The following VOPP1 variants were observed in gnomAD, a reference collection of about 807,000 sequenced individuals.
VOPP1 encodes WW domain binding protein VOPP1.
Under a neutral mutation model 23.5 loss-of-function variants are expected in VOPP1, and 8 were observed. The ratio of observed to expected loss-of-function variants is 0.34; its 90% CI spans 0.20 to 0.61. The LOEUF (loss-of-function observed/expected upper bound fraction) is 0.61. VOPP1 is among the 20% of genes least tolerant of loss of function. VOPP1 has a pLI of 0.78. For missense variants in VOPP1, 174 were observed against 238.1 expected, an observed-to-expected ratio of 0.73 and a Z score of 1.77; for synonymous variants, 83 against 97.3, an observed-to-expected ratio of 0.85 and a Z score of 0.86.
intron 4 of VOPP1, among the ~76,000 whole-genome samples, chr7:55,438,897 G>A (rs1790896476): frequency 6.6e-6 from 1 of 152,312 alleles, no homozygotes; most frequent in Non-Finnish European, 1.5e-5. Context: ...GCTGGAGCCA[G>A]CAGGACTTCC....
chr7:55,444,865 C>T (rs1467132296), intron 4 of VOPP1, among the ~76,000 whole-genome samples: 2 of 152,088 alleles, frequency 1.3e-5, no homozygotes, highest in Non-Finnish European at 2.9e-5. Flanking sequence ...TTTATTTTTG[C>T]CTGGAAGCCA....
At position 55,536,884 on chromosome 7, in the gene VOPP1, C is replaced by T. The variant is rs559431221; in HGVS notation, c.55-15754G>A. On this transcript the variant is annotated intron_variant, in intron 1 of 4. Coordinates refer to ENST00000285279, the MANE Select transcript of VOPP1 (RefSeq NM_030796.5). ...CTCAACAGGGCATTCAATGTAAGTG[C>T]CCACAAATGCAAGAGACAGTGAACA... Among the ~76,000 whole-genome samples the T allele has an allele frequency of 2.0e-5, 3 of 152,218 alleles. No homozygotes were observed. The South Asian group carries it at 6.2e-4, about 32-fold the overall frequency.
Position 55,482,482 on chromosome 7 carries a change from ATTTTTTT to A in VOPP1, c.329-9444_329-9438del, listed in dbSNP as rs71031859. Among the ~76,000 whole-genome samples, 1,319 of 132,806 alleles carry A rather than the reference ATTTTTTT, an allele frequency of 9.9e-3. 17 individuals carry two copies. The highest frequency in any genetic ancestry group is 0.032 in the African/African-American group (1,086 of 34,000). 87.1% of individuals were successfully genotyped at this position (132,806 alleles called of 152,430 possible). A position where few individuals can be genotyped will look rare whatever the true frequency, so the allele number is the denominator to read the frequency against. On this transcript the variant is annotated intron_variant, in intron 4 of 4. Coordinates refer to ENST00000285279, the MANE Select transcript of VOPP1 (RefSeq NM_030796.5). Reference sequence around the variant, plus strand: ...AGGCACCCACCACCACACCTGGCTAATTTTTTTTTTTTTTTTTTTTTTGTATTTTTAG... The same window carrying A: ...AGGCACCCACCACCACACCTGGCTAATTTTTTTTTTTTTTTGTATTTTTAG...
At chr7:55,497,726 T>C in intron 2 of VOPP1, 36 bp from the exon 3 acceptor site, 1 of 1,598,062 alleles carries the variant, frequency 6.3e-7, no homozygotes, top group Non-Finnish European at 8.6e-7. Context: ...AGCACTGAAT[T>C]GGAAGCAGCC....
intron 3 of VOPP1, among the ~76,000 whole-genome samples, chr7:55,494,467 G>T (rs1793805025): frequency 6.6e-6 from 1 of 152,066 alleles, no homozygotes; most frequent in African/African-American, 2.4e-5. Flanking sequence ...GCCAACAGTA[G>T]TAAGAACATT....
At chr7:55,555,418 T>C (rs993218470) in intron 1 of VOPP1, among the ~76,000 whole-genome samples, 1 of 152,212 alleles carries the variant, frequency 6.6e-6, no homozygotes, top group Admixed American at 6.5e-5. Context: ...CAGATGACCT[T>C]TGCTAAATCC....
At chr7:55,520,250 T>C (rs1056628153) in intron 2 of VOPP1, among the ~76,000 whole-genome samples, 1 of 152,240 alleles carries the variant, frequency 6.6e-6, no homozygotes, top group African/African-American at 2.4e-5. Context: ...ATATATAGTG[T>C]TTCTGCTAGA....
intron 1 of VOPP1, 122 bp from the exon 2 acceptor site, chr7:55,521,252 T>A: frequency 2.9e-6 from 3 of 1,018,248 alleles, no homozygotes. Flanking sequence ...AGCTGGGATA[T>A]CGGGGCAGAC....
At chr7:55,491,765 C>G (rs1380278368) in intron 4 of VOPP1, among the ~76,000 whole-genome samples, 1 of 152,166 alleles carries the variant, frequency 6.6e-6, no homozygotes, top group East Asian at 1.9e-4. Context: ...ACAAGAATGT[C>G]TATTGCTATG....
chr7:55,521,774 AG>A, intron 1 of VOPP1: 4 of 983,802 alleles, frequency 4.1e-6, no homozygotes, highest in Non-Finnish European at 4.8e-6. Flanking sequence ...GAGTGCACAC[AG>A]GCATCGGAGC....
chr7:55,517,725 G>A (rs77047012), intron 2 of VOPP1, among the ~76,000 whole-genome samples: 1,670 of 152,222 alleles, frequency 0.011, 11 homozygotes, highest in Middle Eastern at 0.02. Context: ...GGGTGTAGCC[G>A]CCGTCTCTTG....
intron 1 of VOPP1, among the ~76,000 whole-genome samples, chr7:55,564,243 G>GTCTCTGTCTCTCTCTC (rs1554302403): frequency 0.05 from 6,287 of 125,916 alleles, 244 homozygotes; most frequent in South Asian, 0.17. Context: ...CTCTGTCTCT[G>GTCTCTGTCTCTCTCTC]TCTCTCTCTC....
chr7:55,558,956 G>A (rs1323175943), intron 1 of VOPP1, among the ~76,000 whole-genome samples: 1 of 152,212 alleles, frequency 6.6e-6, no homozygotes, highest in Non-Finnish European at 1.5e-5. Flanking sequence ...TAGCCTCACT[G>A]AAAAGTTTAA....
chr7:55,570,753 C>A (rs964179766), intron 1 of VOPP1, among the ~76,000 whole-genome samples: 2 of 152,046 alleles, frequency 1.3e-5, no homozygotes, highest in African/African-American at 2.4e-5. Flanking sequence ...ACCAGCCTGA[C>A]CAACATGACG....
intron 2 of VOPP1, among the ~76,000 whole-genome samples, chr7:55,520,334 AT>A (rs1043830435): frequency 6.6e-6 from 1 of 152,198 alleles, no homozygotes; most frequent in Non-Finnish European, 1.5e-5. Flanking sequence ...TTTCGGGAAA[AT>A]TTGGTTAGGG....
At chr7:55,542,619 G>A (rs957375250) in intron 1 of VOPP1, among the ~76,000 whole-genome samples, 5 of 152,166 alleles carry the variant, frequency 3.3e-5, no homozygotes, top group East Asian at 1.9e-4. Flanking sequence ...GTGAAGGCCC[G>A]TCTCTACTAA....
intron 4 of VOPP1, among the ~76,000 whole-genome samples, chr7:55,454,581 C>T (rs1348405668): frequency 6.6e-6 from 1 of 152,218 alleles, no homozygotes; most frequent in Non-Finnish European, 1.5e-5. Context: ...TCCAGCAGCA[C>T]ATCAAAAAGC....
intron 1 of VOPP1, among the ~76,000 whole-genome samples, chr7:55,569,355 ATCACATGG>A (rs1798272172): frequency 6.6e-6 from 1 of 152,330 alleles, no homozygotes; most frequent in Non-Finnish European, 1.5e-5. Context: ...TGTAGGCTAA[ATCACATGG>A]TCTTTCTAAG....
intron 1 of VOPP1, among the ~76,000 whole-genome samples, chr7:55,522,739 G>A (rs957552119): frequency 4.6e-5 from 7 of 152,156 alleles, no homozygotes; most frequent in Admixed American, 2.0e-4. Flanking sequence ...GGGCTGCTCC[G>A]CAGAGACAGG....
Sources: gnomAD v4.1 joint callset for allele counts (sites outside exome capture counted in the v4.1 genomes callset) on GRCh38, gnomAD v4.1.1 for gene constraint, MANE v1.5 for transcripts, NCBI Gene and HGNC (gene_info 2026-07-23, HGNC 2026-07-21) for gene names.